The following KIF20A variants were observed in gnomAD, a reference collection of about 807,000 sequenced individuals.
KIF20A encodes kinesin family member 20A, also known as kinesin-like protein KIF20A.
In KIF20A, 66 loss-of-function variants were observed where a neutral mutation model predicts 113.0. The ratio of observed to expected loss-of-function variants is 0.58; its 90% confidence interval spans 0.48 to 0.72. KIF20A has a LOEUF of 0.72. Ranked by LOEUF, KIF20A falls within the 30% of genes least tolerant of loss-of-function variation. The pLI is 0.00. For missense variants in KIF20A, 927 were observed against 1,077.6 expected (o/e 0.86, Z 1.96); for synonymous variants, 376 against 402.3 (o/e 0.93, Z 0.78).
At position 138,184,822 on chromosome 5, in the gene KIF20A, G is replaced by A. The variant is rs760090511; in HGVS notation, c.1699G>A (p.Val567Met). Residue 567 changes from valine (V) to methionine (M), a missense_variant, in exon 14 of 19, where the codon GTG (valine) becomes ATG (methionine). By Grantham distance (21) the Val-to-Met change is conservative. Transcript: ENST00000394894. ...TCTCTCCTAGGAGCTCCTACAAGTT[G>A]TGGAAGCCATGAAGACACTGCTTTT... ...MYGKEELLQV[V>M]EAMKTLLLKE... 1 of 1,614,036 alleles carries A rather than the reference G, an allele frequency of 6.2e-7. No individual in the cohort carries two copies. Among genetic ancestry groups the A allele is most frequent in the Admixed American group, 1.7e-5 (1 of 60,006 alleles).
At position 138,186,285 on chromosome 5, in the gene KIF20A, C is replaced by A. The variant is rs754150811; in HGVS notation, c.2218-9C>A. The A allele has an allele frequency of 1.9e-6, 3 of 1,586,536 alleles. No homozygotes were observed. The highest frequency in any genetic ancestry group is 2.6e-6 in the Non-Finnish European group (3 of 1,171,960). The stretch of plus-strand genomic sequence containing the variant: ...GGCCACAATATGATTCCTACTTCCC[C>A]TTTTTCAGAATATAAGGCTGTTGCG... On this transcript the variant is annotated splice_polypyrimidine_tract_variant and intron_variant, in intron 17 of 18. Transcript: ENST00000394894.
Position 138,185,713 on chromosome 5 carries a change from G to A in KIF20A, c.2125+3G>A. 1 of 1,613,984 alleles carries A rather than the reference G, an allele frequency of 6.2e-7. No homozygotes were observed. On this transcript the variant is annotated splice_donor_region_variant and intron_variant, in intron 16 of 18. Transcript: ENST00000394894. The stretch of plus-strand genomic sequence containing the variant: ...AGAGCTAAACTCTACCACTGAAGGT[G>A]AGGAAAGAGACAGGCAGGAAACATA...
intron 2 of KIF20A, 151 bp downstream of exon 2, chr5:138,179,996 A>G: frequency 1.3e-6 from 1 of 748,864 alleles, no homozygotes; most frequent in Admixed American, 3.5e-5. Context: ...GGCTATGAAA[A>G]GAAAAAAAGA....
In KIF20A at chr5:138,182,361, C is replaced by T; in HGVS notation, c.414C>T (p.Asn138=). The change falls in exon 5 of 19, where the codon AAC becomes AAT. Residue 138 remains asparagine, a synonymous_variant. Transcript: ENST00000394894. ...GPEVGQASFF[N]LTVKEMVKDV... Reference sequence around the variant, plus strand: ...AAGTGGGACAGGCATCCTTCTTCAACCTAACTGTGAAGGAGATGGTAAAGG... The same window carrying T: ...AAGTGGGACAGGCATCCTTCTTCAATCTAACTGTGAAGGAGATGGTAAAGG... 6.2e-7 allele frequency: 1 copy of T among 1,614,160 alleles called. No individual in the cohort carries two copies. The highest frequency in any genetic ancestry group is 8.5e-7 in the Non-Finnish European group (1 of 1,180,002).
intron 5 of KIF20A, 22 bp from the exon 6 acceptor site, chr5:138,182,564 T>C (rs751420729): frequency 3.7e-5 from 60 of 1,613,858 alleles, no homozygotes; most frequent in Non-Finnish European, 5.0e-5. Flanking sequence ...GCCTCAGCTG[T>C]CCATCTTTCA....
rs3172747 is a variant in KIF20A, at chr5:138,187,256, C to T, written c.2516C>T (p.Pro839Leu). ...RLGTNQENQQPNQQPPGKKPF... is the reference protein window; with the variant it reads ...RLGTNQENQQLNQQPPGKKPF... ...GGTACCAACCAGGAAAATCAGCAAC[C>T]AAACCAACAACCACCAGGGAAGAAA... Residue 839 changes from proline (P) to leucine (L), a missense_variant, in exon 19 of 19, where the codon CCA becomes CTA. Coordinates refer to ENST00000394894, the MANE Select transcript of KIF20A (RefSeq NM_005733.3). The T allele has an allele frequency of 0.012, 19,765 of 1,614,128 alleles. 134 individuals are homozygous for T. Among genetic ancestry groups the T allele is most frequent in the Non-Finnish European group, 0.014 (17,041 of 1,180,008 alleles).
rs763580466 is a variant in KIF20A, at chr5:138,184,539, G to A, written c.1546G>A (p.Gly516Arg). Reference protein sequence around the residue: ...QLVHAPPMQLGFPSLHSFIKE... With the variant: ...QLVHAPPMQLRFPSLHSFIKE... The stretch of plus-strand genomic sequence containing the variant: ...TGTGCATGCCCCACCTATGCAACTG[G>A]GATTCCCATCCCTGCACTCGTTCAT... The change falls in exon 13 of 19, where the codon GGA becomes AGA. Residue 516 changes from glycine (G) to arginine (R), a missense_variant. Transcript: ENST00000394894. The A allele has an allele frequency of 1.9e-6, 3 of 1,613,958 alleles. No homozygotes were observed. The highest frequency in any genetic ancestry group is 2.2e-5 in the East Asian group (1 of 44,880).
chr5:138,184,965 C>G lies in KIF20A; in HGVS notation c.1823+19C>G, dbSNP rs374454899. 1.9e-6 allele frequency: 3 copies of G among 1,612,844 alleles called. No homozygotes were observed. The highest frequency in any genetic ancestry group is 2.5e-6 in the Non-Finnish European group (3 of 1,179,108). On this transcript the variant is annotated intron_variant, in intron 14 of 18. Transcript: ENST00000394894. ...GGTGCAGGTACTAGCTGAGTGACCC[C>G]TCTTGCTCTGTCACCTGAGACAGAG... is the stretch of plus-strand genomic sequence containing the variant.
rs1156976447 is a variant in KIF20A, at chr5:138,186,330, G to A, written c.2254G>A (p.Gly752Ser). The change falls in exon 18 of 19, where the codon GGT (glycine) becomes AGT (serine). Residue 752 changes from glycine to serine, a missense_variant. Transcript: ENST00000394894. Reference protein sequence around the residue: ...RLLRTELQKLGESLQSAERAC... With the variant: ...RLLRTELQKLSESLQSAERAC... ...GTTGCGGACAGAGCTTCAGAAACTT[G>A]GTGAGTCTCTCCAATCAGCAGAGAG... 1.3e-6 allele frequency: 2 copies of A among 1,599,854 alleles called. No homozygotes were observed. Among genetic ancestry groups the A allele is most frequent in the Non-Finnish European group, 1.7e-6 (2 of 1,176,956 alleles).
rs779405702 is a variant in KIF20A, at chr5:138,184,044, A to G, written c.1291A>G (p.Asn431Asp). 1 of 1,614,078 alleles carries G rather than the reference A, an allele frequency of 6.2e-7. No homozygotes were observed. Among genetic ancestry groups the G allele is most frequent in the Non-Finnish European group, 8.5e-7 (1 of 1,179,994 alleles). Reference sequence around the variant, plus strand: ...ACGGTTGAAGGAAGCAGGAAACATTAACACCTCTCTACACACCCTGGGCCG... The same window carrying G: ...ACGGTTGAAGGAAGCAGGAAACATTGACACCTCTCTACACACCCTGGGCCG... ...GERLKEAGNINTSLHTLGRCI... is the reference protein window; with the variant it reads ...GERLKEAGNIDTSLHTLGRCI... The change falls in exon 11 of 19, where the codon AAC (asparagine) becomes GAC (aspartate). Residue 431 changes from asparagine to aspartate, a missense_variant. Physicochemically the swap from Asn to Asp is conservative, Grantham distance 23. Coordinates refer to ENST00000394894, the MANE Select transcript of KIF20A (RefSeq NM_005733.3).
In KIF20A at chr5:138,183,052, CT is replaced by C. The variant is rs1284540542; in HGVS notation, c.832+63del. ...GGAACTCACTCCCTGTTCCTAATAGCTGCCAGGAGTACAGACCAGAGGTTGC... is the reference window on the plus strand; with the variant it reads ...GGAACTCACTCCCTGTTCCTAATAGCGCCAGGAGTACAGACCAGAGGTTGC... On this transcript the variant is annotated intron_variant, in intron 7 of 18. Transcript: ENST00000394894. This position sits in a 1 kb window ranked among gnomAD's most constrained non-coding sequence, Gnocchi z 5.2. 1 of 1,609,376 alleles carries C rather than the reference CT, an allele frequency of 6.2e-7. No homozygotes were observed. Among genetic ancestry groups the C allele is most frequent in the Admixed American group, 1.7e-5 (1 of 59,868 alleles).
chr5:138,179,475 A>C, intron 1 of KIF20A, 185 bp from the exon 2 acceptor site: 1 of 554,610 alleles, frequency 1.8e-6, no homozygotes, highest in South Asian at 2.1e-5. Context: ...TGCCGCCTCA[A>C]ACTTCTCTCA....
intron 6 of KIF20A, 38 bp downstream of exon 6, chr5:138,182,811 T>A: frequency 6.2e-7 from 1 of 1,613,514 alleles, no homozygotes; most frequent in Non-Finnish European, 8.5e-7. Context: ...GGGTAGGGGG[T>A]ACAAATCTCG....
intron 15 of KIF20A, 25 bp downstream of exon 15, chr5:138,185,222 A>G (rs776599977): frequency 2.1e-6 from 3 of 1,456,668 alleles, no homozygotes; most frequent in East Asian, 4.5e-5. Flanking sequence ...GCCAGCTCCA[A>G]TTAGCTGCTC....
At chr5:138,185,230 C>T (rs996793550) in intron 15 of KIF20A, 33 bp downstream of exon 15, 1 of 1,407,578 alleles carries the variant, frequency 7.1e-7, no homozygotes, top group African/African-American at 1.4e-5. Context: ...CAATTAGCTG[C>T]TCAGATTTCC....
At chr5:138,180,999 G>C (rs1421573048) in intron 2 of KIF20A, among the ~76,000 whole-genome samples, 1 of 152,192 alleles carries the variant, frequency 6.6e-6, no homozygotes, top group Non-Finnish European at 1.5e-5. Context: ...TTGAATGAAT[G>C]ACATAGGTGC....
intron 17 of KIF20A, 54 bp downstream of exon 17, chr5:138,186,106 A>G: frequency 6.5e-7 from 1 of 1,540,934 alleles, no homozygotes; most frequent in Non-Finnish European, 9.0e-7. Context: ...AATTTCCCAC[A>G]TCCAACACTC....
rs781714038 is a variant in KIF20A, at chr5:138,182,930, G to A, written c.772G>A (p.Asp258Asn). Residue 258 changes from aspartate (D) to asparagine (N), a missense_variant, in exon 7 of 19, where the codon GAC becomes AAC. By Grantham distance (23) the Asp-to-Asn change is conservative. Transcript: ENST00000394894. ...TCGGATAGGTACCAGCACCAGCTTC[G>A]ACAGTGGCATTGCTGGGCTCTCTTC... ...ESRIGTSTSF[D>N]SGIAGLSSIS... The A allele has an allele frequency of 4.3e-6, 7 of 1,614,150 alleles. No homozygotes were observed. Among genetic ancestry groups the A allele is most frequent in the South Asian group, 1.1e-5 (1 of 91,074 alleles).
At chr5:138,182,230 C>T (rs1037823980) in intron 4 of KIF20A, 93 bp from the exon 5 acceptor site, 3 of 1,436,364 alleles carry the variant, frequency 2.1e-6, no homozygotes, top group Non-Finnish European at 2.8e-6. Context: ...TCTCCAGAGC[C>T]AACCACTCAG....
Sources: allele counts gnomAD v4.1 joint callset (sites outside exome capture counted in the v4.1 genomes callset), GRCh38; gene constraint gnomAD v4.1.1; non-coding constraint Gnocchi (gnomAD v3.1); transcripts MANE v1.5; gene names NCBI Gene and HGNC (gene_info 2026-07-23, HGNC 2026-07-21).